The following PTPRD variants were observed in gnomAD, a reference collection of about 807,000 sequenced individuals.
PTPRD encodes the protein receptor-type tyrosine-protein phosphatase delta.
A neutral mutation model predicts 214.5 loss-of-function variants in PTPRD; 34 were observed. That is an observed-to-expected ratio of 0.16 (90% confidence interval 0.12 to 0.21). The LOEUF (loss-of-function observed/expected upper bound fraction) is 0.21, where lower values mean the gene tolerates loss of function less well. PTPRD is among the 10% of genes least tolerant of loss of function. The pLI, the probability that PTPRD is intolerant of heterozygous loss-of-function variation, is 1.00. For missense variants in PTPRD, 2,545 were observed against 2,398.7 expected, an observed-to-expected ratio of 1.06 and a Z score of -1.27; for synonymous variants, 1,128 against 845.7, an observed-to-expected ratio of 1.33 and a Z score of -5.79.
intron 11 of PTPRD, among the ~76,000 whole-genome samples, chr9:9,013,390 G>A (rs561015261): frequency 6.6e-6 from 1 of 152,202 alleles, no homozygotes; most frequent in East Asian, 1.9e-4. Flanking sequence ...TAGCAAAGAA[G>A]CGATCAGTCA....
At chr9:10,509,357 A>G (rs943448854) in intron 2 of PTPRD, among the ~76,000 whole-genome samples, 1 of 151,174 alleles carries the variant, frequency 6.6e-6, no homozygotes, top group East Asian at 1.9e-4. Flanking sequence ...ATAGATATGG[A>G]TTTTATTCTT....
At chr9:9,557,542 A>G (rs929209026) in intron 8 of PTPRD, among the ~76,000 whole-genome samples, 1 of 152,190 alleles carries the variant, frequency 6.6e-6, no homozygotes, top group African/African-American at 2.4e-5. Flanking sequence ...AGCTTTTCCT[A>G]ATCCAACAGA....
intron 3 of PTPRD, among the ~76,000 whole-genome samples, chr9:10,276,596 A>T (rs1286849312): frequency 6.6e-6 from 1 of 152,222 alleles, no homozygotes; most frequent in Non-Finnish European, 1.5e-5. Flanking sequence ...GTAGATAAAG[A>T]TATGAGTTTT....
At chr9:10,353,328 A>C (rs180725557) in intron 2 of PTPRD, among the ~76,000 whole-genome samples, 1 of 152,020 alleles carries the variant, frequency 6.6e-6, no homozygotes, top group African/African-American at 2.4e-5. Flanking sequence ...TGGAACCACT[A>C]AGGACAAAAT....
chr9:9,576,520 A>C (rs941555345), intron 7 of PTPRD, among the ~76,000 whole-genome samples: 4 of 152,150 alleles, frequency 2.6e-5, no homozygotes, highest in Non-Finnish European at 4.4e-5. Context: ...TCTCAAAAAA[A>C]TCTAGTGTGA....
intron 9 of PTPRD, among the ~76,000 whole-genome samples, chr9:9,227,463 T>C (rs750063647): frequency 1.3e-5 from 2 of 152,130 alleles, no homozygotes; most frequent in South Asian, 2.1e-4. Context: ...TTTTACTTTT[T>C]GTGATAACTG....
intron 5 of PTPRD, among the ~76,000 whole-genome samples, chr9:9,915,725 C>T (rs1566269766): frequency 6.6e-6 from 1 of 151,538 alleles, no homozygotes. Context: ...AGAAAGCCTA[C>T]AGGATTTATG....
At chr9:9,824,732 A>G (rs975822362) in intron 5 of PTPRD, among the ~76,000 whole-genome samples, 2 of 152,034 alleles carry the variant, frequency 1.3e-5, no homozygotes, top group African/African-American at 2.4e-5. Flanking sequence ...TAACTTTCTC[A>G]ATATGTGATT....
At chr9:10,025,708 T>C (rs1186266023) in intron 4 of PTPRD, among the ~76,000 whole-genome samples, 1 of 152,108 alleles carries the variant, frequency 6.6e-6, no homozygotes, top group Non-Finnish European at 1.5e-5. Flanking sequence ...AAATAAGAAA[T>C]TGGATGATAT....
intron 36 of PTPRD, among the ~76,000 whole-genome samples, chr9:8,389,875 A>G (rs1288726523): frequency 1.3e-5 from 2 of 152,186 alleles, no homozygotes; most frequent in Non-Finnish European, 2.9e-5. Context: ...AAACTCATAT[A>G]TAAACTCATT....
intron 42 of PTPRD, 67 bp from the exon 43 acceptor site, chr9:8,339,114 TATCTATCTA>T (rs1322431389): frequency 6.9e-6 from 10 of 1,442,834 alleles, no homozygotes; most frequent in East Asian, 5.0e-5. Flanking sequence ...ATTATCTATC[TATCTATCTA>T]ATCTATCTAA....
intron 44 of PTPRD, among the ~76,000 whole-genome samples, chr9:8,328,273 A>G (rs187529866): frequency 6.6e-6 from 1 of 152,160 alleles, no homozygotes; most frequent in Non-Finnish European, 1.5e-5. Context: ...TCCTTCACTT[A>G]TGAAGCTTAG....
At chr9:9,925,793 G>A (rs891018427) in intron 5 of PTPRD, among the ~76,000 whole-genome samples, 1 of 151,834 alleles carries the variant, frequency 6.6e-6, no homozygotes, top group African/African-American at 2.4e-5. Context: ...GATGACTTGT[G>A]AGAAAGAATC....
At chr9:9,559,207 G>A (rs1267363133) in intron 8 of PTPRD, among the ~76,000 whole-genome samples, 1 of 151,322 alleles carries the variant, frequency 6.6e-6, no homozygotes, top group Non-Finnish European at 1.5e-5. Flanking sequence ...CCCGCTATAG[G>A]GTAAGTTGTC....
intron 14 of PTPRD, among the ~76,000 whole-genome samples, chr9:8,596,908 A>G (rs2094506011): frequency 6.6e-6 from 1 of 152,124 alleles, no homozygotes; most frequent in South Asian, 2.1e-4. Context: ...TAAATGGTGC[A>G]TACAATTTTT....
At chr9:8,448,236 G>C (rs1477554718) in intron 34 of PTPRD, among the ~76,000 whole-genome samples, 2 of 152,118 alleles carry the variant, frequency 1.3e-5, no homozygotes, top group African/African-American at 4.8e-5. Flanking sequence ...GCTGAGGTAG[G>C]GGGATCACCT....
intron 11 of PTPRD, among the ~76,000 whole-genome samples, chr9:8,959,887 G>A (rs376504850): frequency 1.3e-3 from 203 of 152,008 alleles, no homozygotes; most frequent in African/African-American, 4.6e-3. Context: ...TTAGAGCTTG[G>A]GCATGAAAAT....
intron 14 of PTPRD, among the ~76,000 whole-genome samples, chr9:8,554,928 C>A (rs2083276965): frequency 6.7e-6 from 1 of 149,250 alleles, no homozygotes; most frequent in Non-Finnish European, 1.5e-5. Flanking sequence ...AAACTTAAGT[C>A]TCTTTGTACT....
At chr9:8,471,645 A>C (rs960989417) in intron 30 of PTPRD, among the ~76,000 whole-genome samples, 1 of 152,178 alleles carries the variant, frequency 6.6e-6, no homozygotes, top group Non-Finnish European at 1.5e-5. Context: ...TCTACCCATC[A>C]AATTGCAAAT....
Sources: gnomAD v4.1 joint callset for allele counts (sites outside exome capture counted in the v4.1 genomes callset) on GRCh38, gnomAD v4.1.1 for gene constraint, MANE v1.5 for transcripts, NCBI Gene and HGNC (gene_info 2026-07-23, HGNC 2026-07-21) for gene names.